ANKRD60: variants seen among roughly 807,000 people sequenced by gnomAD.
The protein encoded by ANKRD60 is ankyrin repeat domain 60, also known as ankyrin repeat domain-containing protein 60.
In ANKRD60, 24 loss-of-function variants were observed where a neutral mutation model predicts 21.3. The observed-to-expected ratio is 1.13, with a 90% CI of 0.82 to 1.59. The LOEUF is 1.59. Among genes scored for constraint, ANKRD60 ranks in the 40% most tolerant of loss-of-function variants. The pLI is 0.00. For synonymous variants in ANKRD60, 182 were observed against 199.4 expected (o/e 0.91, Z 0.74); for missense variants, 490 against 466.7 (o/e 1.05, Z -0.46).
intron 2 of ANKRD60, 105 bp downstream of exon 2, chr20:58,222,947 C>T: frequency 7.5e-7 from 1 of 1,334,680 alleles, no homozygotes; most frequent in Non-Finnish European, 9.9e-7. Flanking sequence ...CTCTTCCCTG[C>T]TCTGAAACTG....
At position 58,227,753 on chromosome 20, in the gene ANKRD60, AC is replaced by A. The variant is rs1261188300; in HGVS notation, c.430+470del. 1.3e-4 allele frequency among the ~76,000 whole-genome samples: 20 copies of A among 152,016 alleles called. No homozygotes were observed. The South Asian group carries it at 2.9e-3, about 22-fold the overall frequency. ...TTGGGGTTTGCTTTGAGTTTGGGGT[AC>A]TGACATGGGCAGGCTTGCCTTGGGT... is the stretch of plus-strand genomic sequence containing the variant. On this transcript the variant is annotated intron_variant, in intron 1 of 3. Coordinates refer to ENST00000457363, the Ensembl canonical transcript of ANKRD60.
intron 1 of ANKRD60, among the ~76,000 whole-genome samples, chr20:58,225,960 G>C (rs191415252): frequency 6.6e-6 from 1 of 152,140 alleles, no homozygotes; most frequent in Non-Finnish European, 1.5e-5. Context: ...GGGCTCTAGG[G>C]TGCCTGGCCT....
intron 2 of ANKRD60, among the ~76,000 whole-genome samples, chr20:58,221,724 C>T (rs1203293886): frequency 1.3e-5 from 2 of 152,192 alleles, no homozygotes; most frequent in Non-Finnish European, 1.5e-5. Context: ...AATACGAATT[C>T]GCCGTCAGTC....
At chr20:58,225,569 G>A (rs486302) in intron 1 of ANKRD60, among the ~76,000 whole-genome samples, 42,353 of 152,040 alleles carry the variant, frequency 0.28, 6,227 homozygotes, top group South Asian at 0.44. Context: ...CTGTCCAGAG[G>A]GGGAAACGGC....
intron 3 of ANKRD60, among the ~76,000 whole-genome samples, chr20:58,219,106 C>T (rs1984193597): frequency 1.3e-5 from 2 of 152,154 alleles, no homozygotes; most frequent in South Asian, 4.1e-4. Flanking sequence ...CTGCCATACT[C>T]TCCTCCCCCA....
chr20:58,228,554 TG>T lies in ANKRD60; in HGVS notation c.99del (p.Asn34MetfsTer83). The T allele has an allele frequency of 7.7e-7, 1 of 1,297,644 alleles. No individual in the cohort carries two copies. Among genetic ancestry groups the T allele is most frequent in the South Asian group, 2.2e-5 (1 of 44,748 alleles). The allele number at this position is 1,297,644 out of a possible 1,614,324, so 80.4% of individuals were successfully genotyped here. A position where few individuals can be genotyped will look rare whatever the true frequency, so the allele number is the denominator to read the frequency against. ...CGCGCACCGCTCCTGCGTCCCGCAT[TG>T]GGGTGCAGGCGAGAGGCGCCCCCAG... On this transcript the variant is annotated frameshift_variant, in exon 1 of 4. Coordinates refer to ENST00000457363, the Ensembl canonical transcript of ANKRD60. LOFTEE classifies it high-confidence loss of function. This position sits in a 1 kb window ranked among gnomAD's most constrained non-coding sequence, Gnocchi z 5.3.
At chr20:58,216,175 T>C (rs892062401), downstream of ANKRD60, among the ~76,000 whole-genome samples, 68 of 152,198 alleles carry the variant, frequency 4.5e-4, no homozygotes, top group African/African-American at 5.1e-4. Flanking sequence ...TACAGACTTG[T>C]TGAATATAAA....
intron 3 of ANKRD60, among the ~76,000 whole-genome samples, chr20:58,220,977 C>T (rs1365324453): frequency 6.6e-6 from 1 of 152,068 alleles, no homozygotes; most frequent in South Asian, 2.1e-4. Flanking sequence ...TAATTTCATG[C>T]GAGGCTGGAA....
intron 3 of ANKRD60, 49 bp from the exon 4 acceptor site, chr20:58,218,854 A>G (rs1984188807): frequency 6.8e-7 from 1 of 1,479,236 alleles, no homozygotes; most frequent in East Asian, 2.5e-5. Context: ...GAGGGGGAAC[A>G]CAGGAGGGGT....
At chr20:58,223,141 C>A in exon 2 of ANKRD60, 1 of 1,551,556 alleles carries the variant, frequency 6.4e-7, no homozygotes, top group Non-Finnish European at 8.7e-7. Flanking sequence ...CCTCCAGGAA[C>A]AACATCATGG....
At chr20:58,219,752 C>T (rs929897063) in intron 3 of ANKRD60, among the ~76,000 whole-genome samples, 1 of 152,170 alleles carries the variant, frequency 6.6e-6, no homozygotes, top group African/African-American at 2.4e-5. Flanking sequence ...ACACCAGTGT[C>T]GACCATGACA....
chr20:58,218,460 AACC>A, downstream of ANKRD60: 1 of 1,527,850 alleles, frequency 6.5e-7, no homozygotes, highest in Non-Finnish European at 8.8e-7. Flanking sequence ...AAGTTGCCCA[AACC>A]AGCCTCAGCG....
At chr20:58,217,197 G>A (rs188694826), downstream of ANKRD60, among the ~76,000 whole-genome samples, 3 of 152,178 alleles carry the variant, frequency 2.0e-5, no homozygotes, top group East Asian at 1.9e-4. Context: ...TTGGGAGGCC[G>A]AGGGGGGCAG....
At chr20:58,222,346 C>G (rs942788400) in intron 2 of ANKRD60, among the ~76,000 whole-genome samples, 2 of 152,140 alleles carry the variant, frequency 1.3e-5, no homozygotes, top group Non-Finnish European at 2.9e-5. Context: ...CCCGAGCCCA[C>G]GCACTCTTCC....
chr20:58,223,154 C>A (rs1412058537), exon 2 of ANKRD60: 1 of 1,550,936 alleles, frequency 6.4e-7, no homozygotes, highest in African/African-American at 1.4e-5. Flanking sequence ...CATCATGGAA[C>A]TTCAGGGTAG....
At position 58,228,512 on chromosome 20, in the gene ANKRD60, AC is replaced by A. The variant is rs1984418832; in HGVS notation, c.141del (p.Cys48AlafsTer69). 1.4e-6 allele frequency: 2 copies of A among 1,404,768 alleles called. No individual in the cohort carries two copies. The highest frequency in any genetic ancestry group is 5.2e-4 in the Middle Eastern group (2 of 3,870). The allele number at this position is 1,404,768 out of a possible 1,614,324, so 87.0% of individuals were successfully genotyped here. On this transcript the variant is annotated frameshift_variant, in exon 1 of 4. Transcript: ENST00000457363. LOFTEE classifies it high-confidence loss of function. The surrounding 1 kb of genome is among the most constrained non-coding windows in gnomAD (Gnocchi z 5.3). ...GCCGAGCCCACCCTGGGCCCGCCGC[AC>A]CCCTGAGCCCCGGCCCGCGCACCGC...
rs1984415462 is a variant in ANKRD60, at chr20:58,228,457, A to C, written c.197T>G (p.Leu66Arg). 3 of 1,532,776 alleles carry C rather than the reference A, an allele frequency of 2.0e-6. No individual in the cohort carries two copies. The East Asian group carries it at 7.4e-5, about 38-fold the overall frequency. The allele number at this position is 1,532,776 out of a possible 1,614,324, so 94.9% of individuals were successfully genotyped here. The stretch of plus-strand genomic sequence containing the variant: ...CTGGCTCCGGCCGCGGGCACAGGCC[A>C]GGGGCTGCGCGGGGAGGGCCCGCGA... Residue 66 changes from leucine to arginine, a missense_variant, in exon 1 of 4, where the codon CTG becomes CGG. Physicochemically the swap from Leu to Arg is moderately radical, Grantham distance 102 (BLOSUM62 -2). Transcript: ENST00000457363. This position sits in a 1 kb window ranked among gnomAD's most constrained non-coding sequence, Gnocchi z 5.3.
At chr20:58,218,742 C>T (rs1245858668) in exon 4 of ANKRD60, 1 of 1,551,498 alleles carries the variant, frequency 6.4e-7, no homozygotes, top group Non-Finnish European at 8.7e-7. Flanking sequence ...GTCTGACCGG[C>T]CCATAGCTGC....
chr20:58,221,350 G>A (rs1984247816), exon 3 of ANKRD60: 1 of 1,551,424 alleles, frequency 6.4e-7, no homozygotes, highest in Admixed American at 2.0e-5. Context: ...TGTTCTAGAA[G>A]GTACTGCACA....
Sources: gnomAD v4.1 joint callset for allele counts (sites outside exome capture counted in the v4.1 genomes callset) on GRCh38, gnomAD v4.1.1 for gene constraint, Gnocchi (gnomAD v3.1) non-coding constraint, MANE v1.5 for transcripts, NCBI Gene and HGNC (gene_info 2026-07-23, HGNC 2026-07-21) for gene names.